The following PCDHA5 variants were observed in gnomAD, a reference collection of about 807,000 sequenced individuals.
The protein encoded by PCDHA5 is protocadherin alpha-5.
Under a neutral mutation model 61.6 loss-of-function variants are expected in PCDHA5, and 43 were observed. That is an observed-to-expected ratio of 0.70 (90% CI 0.55 to 0.90). The LOEUF is 0.90. PCDHA5 is among the 40% of genes least tolerant of loss of function. The pLI is 0.00. For missense variants in PCDHA5, 1,298 were observed against 1,222.7 expected (o/e 1.06, Z -0.92); for synonymous variants, 627 against 543.9 (o/e 1.15, Z -2.13).
At chr5:140,994,788 C>A (rs139745274) in intron 3 of PCDHA5, among the ~76,000 whole-genome samples, 6 of 152,076 alleles carry the variant, frequency 3.9e-5, no homozygotes, top group Admixed American at 3.9e-4. Flanking sequence ...GGAAACAATG[C>A]GTGCATGCAA....
chr5:140,951,667 C>A (rs180768474), intron 1 of PCDHA5, among the ~76,000 whole-genome samples: 10 of 152,274 alleles, frequency 6.6e-5, no homozygotes, highest in African/African-American at 2.4e-4. Context: ...GGCCTGCCTA[C>A]AAAATTGGGG....
intron 1 of PCDHA5, chr5:140,851,797 G>A (rs1349130494): frequency 3.1e-6 from 3 of 953,270 alleles, no homozygotes; most frequent in Non-Finnish European, 2.5e-6. Flanking sequence ...CACTTGTTCT[G>A]TCAGTAATCC....
intron 1 of PCDHA5, among the ~76,000 whole-genome samples, chr5:140,952,671 A>C (rs1429468287): frequency 6.6e-6 from 1 of 152,176 alleles, no homozygotes; most frequent in Admixed American, 6.5e-5. Context: ...AGTCACTTTC[A>C]CATTTTCAGG....
chr5:140,880,836 A>G (rs1228476405), intron 1 of PCDHA5, among the ~76,000 whole-genome samples: 1 of 152,218 alleles, frequency 6.6e-6, no homozygotes, highest in Non-Finnish European at 1.5e-5. Context: ...GCATATTTTA[A>G]ATGGTTGACT....
At chr5:140,896,346 G>A (rs1466880160) in intron 1 of PCDHA5, among the ~76,000 whole-genome samples, 17 of 151,992 alleles carry the variant, frequency 1.1e-4, no homozygotes, top group African/African-American at 3.4e-4. Flanking sequence ...TTATATTCCC[G>A]CCAGCAGTGT....
chr5:140,828,954 T>C, intron 1 of PCDHA5: 2 of 1,614,236 alleles, frequency 1.2e-6, no homozygotes, highest in South Asian at 1.1e-5. Context: ...GTTGCAGCCA[T>C]GGTTATTGAC....
intron 1 of PCDHA5, chr5:140,870,552 G>C: frequency 6.2e-7 from 1 of 1,614,042 alleles, no homozygotes; most frequent in Non-Finnish European, 8.5e-7. Flanking sequence ...ACGCGGACGC[G>C]CAGGAGAACG....
Position 140,850,212 on chromosome 5 carries a change from A to C in PCDHA5, c.2352+26085A>C, listed in dbSNP as rs1411639882. 10 of 1,593,368 alleles carry C rather than the reference A, an allele frequency of 6.3e-6. No individual in the cohort carries two copies. Among genetic ancestry groups the C allele is most frequent in the Non-Finnish European group, 8.6e-6 (10 of 1,167,568 alleles). ...GCTGCTGACACCTCGGATGAGGGGC[A>C]CTGACGGCGCAGTGAGCGAGATGGT... On this transcript the variant is annotated intron_variant, in intron 1 of 3. Transcript: ENST00000529859.
chr5:141,008,515 A>G (rs1430400139), intron 3 of PCDHA5, among the ~76,000 whole-genome samples: 1 of 152,126 alleles, frequency 6.6e-6, no homozygotes, highest in Non-Finnish European at 1.5e-5. Context: ...GTGTCTTCCA[A>G]TCAGACTCTT....
At chr5:140,927,104 C>CA in intron 1 of PCDHA5, 1 of 1,613,722 alleles carries the variant, frequency 6.2e-7, no homozygotes, top group Non-Finnish European at 8.5e-7. Flanking sequence ...GTGGATCTAC[C>CA]CAGCGGCAAT....
chr5:140,869,591 A>G (rs782105068), intron 1 of PCDHA5: 2 of 1,614,020 alleles, frequency 1.2e-6, no homozygotes, highest in Non-Finnish European at 1.7e-6. Flanking sequence ...GCTGACATTG[A>G]AGAGAATGCT....
At chr5:140,876,637 C>G (rs1554168755) in intron 1 of PCDHA5, 1 of 1,614,088 alleles carries the variant, frequency 6.2e-7, no homozygotes, top group Non-Finnish European at 8.5e-7. Flanking sequence ...CATCTGCTCA[C>G]TGACACCTCA....
intron 1 of PCDHA5, chr5:140,870,890 T>C: frequency 6.2e-7 from 1 of 1,613,954 alleles, no homozygotes; most frequent in Non-Finnish European, 8.5e-7. Flanking sequence ...GTGCGCGCAG[T>C]GGATGCGGAC....
intron 1 of PCDHA5, chr5:140,883,517 A>G: frequency 6.2e-7 from 1 of 1,614,162 alleles, no homozygotes; most frequent in Non-Finnish European, 8.5e-7. Context: ...GGACCGCGAG[A>G]GCGTATCAGC....
rs2150162425 is a variant in PCDHA5, at chr5:140,829,084, G to A, written c.2352+4957G>A. On this transcript the variant is annotated intron_variant, in intron 1 of 3. Transcript: ENST00000529859. The stretch of plus-strand genomic sequence containing the variant: ...CGGACAAAGGCCATCCTCCCATGGC[G>A]GGTCATTGCACCGTTTTAGTGAGAA... The A allele has an allele frequency of 3.1e-5, 50 of 1,611,088 alleles. No individual in the cohort carries two copies. The Admixed American group carries it at 5.2e-4, about 17-fold the overall frequency.
At chr5:140,847,123 C>T (rs1554141658) in intron 1 of PCDHA5, among the ~76,000 whole-genome samples, 1 of 149,564 alleles carries the variant, frequency 6.7e-6, no homozygotes, top group African/African-American at 2.4e-5. Context: ...AGAATGAAAG[C>T]AGGAAAACCA....
At chr5:140,857,761 C>T in intron 1 of PCDHA5, 1 of 1,597,214 alleles carries the variant, frequency 6.3e-7, no homozygotes. Flanking sequence ...CCGCTGGCAG[C>T]GCGGGCGGTG....
chr5:140,862,363 C>T, intron 1 of PCDHA5: 1 of 339,946 alleles, frequency 2.9e-6, no homozygotes, highest in Non-Finnish European at 5.8e-6. Context: ...GACAGACGAC[C>T]CGCACCCTGA....
intron 1 of PCDHA5, among the ~76,000 whole-genome samples, chr5:140,920,911 G>C (rs1290667252): frequency 6.6e-6 from 1 of 150,718 alleles, no homozygotes; most frequent in African/African-American, 2.4e-5. Context: ...TCTCAAATCA[G>C]TTCCAAGAGT....
Sources: allele counts gnomAD v4.1 joint callset (sites outside exome capture counted in the v4.1 genomes callset), GRCh38; gene constraint gnomAD v4.1.1; transcripts MANE v1.5; gene names NCBI Gene and HGNC (gene_info 2026-07-23, HGNC 2026-07-21).